The following PXDNL variants were observed in gnomAD, a reference collection of about 807,000 sequenced individuals.
The protein encoded by PXDNL is peroxidasin like.
PXDNL carries 145 observed loss-of-function variants against 150.8 expected under a neutral mutation model. That is an observed-to-expected ratio of 0.96 (90% CI 0.84 to 1.10). The LOEUF is 1.10. PXDNL is among the 50% of genes least tolerant of loss of function. PXDNL has a pLI of 0.00. For missense variants in PXDNL, 2,087 were observed against 1,873.9 expected, an observed-to-expected ratio of 1.11 and a Z score of -2.10; for synonymous variants, 757 against 725.7, an observed-to-expected ratio of 1.04 and a Z score of -0.69.
Position 51,474,389 on chromosome 8 carries a change from G to A in PXDNL, c.694+583C>T, listed in dbSNP as rs116181449. On this transcript the variant is annotated intron_variant, in intron 7 of 22. Coordinates refer to ENST00000356297, the MANE Select transcript of PXDNL (RefSeq NM_144651.5). ...TAAGCAGCCGTAATAAATTATTTAG[G>A]TAAAGCTTATTGCTTTAGTAAGGTT... is the stretch of plus-strand genomic sequence containing the variant. Among the ~76,000 whole-genome samples the A allele has an allele frequency of 2.3e-3, 345 of 152,174 alleles. 2 individuals carry two copies. Among genetic ancestry groups the A allele is most frequent in the African/African-American group, 7.6e-3 (316 of 41,530 alleles).
At position 51,506,733 on chromosome 8, in the gene PXDNL, T is replaced by C. The variant is rs117895438; in HGVS notation, c.381-6963A>G. Among the ~76,000 whole-genome samples the C allele has an allele frequency of 3.0e-3, 455 of 152,210 alleles. 4 individuals carry two copies. Among genetic ancestry groups the C allele is most frequent in the East Asian group, 0.016 (85 of 5,158 alleles). On this transcript the variant is annotated intron_variant, in intron 4 of 22. Coordinates refer to ENST00000356297, the MANE Select transcript of PXDNL (RefSeq NM_144651.5). ...AGTCTCTTCTTTCCAATCTACACTA[T>C]GTTGAATTATTTGGTGGTTCTTCCT...
At chr8:51,529,072 T>A (rs1029144197) in intron 4 of PXDNL, among the ~76,000 whole-genome samples, 2 of 152,246 alleles carry the variant, frequency 1.3e-5, no homozygotes, top group African/African-American at 4.8e-5. Context: ...ATAAACATTA[T>A]GGACGATGTC....
At chr8:51,523,068 T>G (rs995189978) in intron 4 of PXDNL, among the ~76,000 whole-genome samples, 12 of 152,186 alleles carry the variant, frequency 7.9e-5, no homozygotes, top group African/African-American at 2.7e-4. Context: ...TAGTTTAAAA[T>G]TGTATATATT....
At chr8:51,784,874 C>G (rs1382583900) in intron 1 of PXDNL, among the ~76,000 whole-genome samples, 2 of 152,190 alleles carry the variant, frequency 1.3e-5, no homozygotes, top group Non-Finnish European at 2.9e-5. Flanking sequence ...TAACCCCCCT[C>G]TTTTTAGCAG....
chr8:51,773,520 A>G (rs537350946), intron 1 of PXDNL, among the ~76,000 whole-genome samples: 77 of 152,318 alleles, frequency 5.1e-4, no homozygotes, highest in African/African-American at 1.7e-3. Flanking sequence ...AGACACCAAA[A>G]AGGAAGACCA....
intron 8 of PXDNL, among the ~76,000 whole-genome samples, chr8:51,466,560 A>G (rs535437276): frequency 6.6e-6 from 1 of 152,290 alleles, no homozygotes; most frequent in East Asian, 1.9e-4. Flanking sequence ...TAATTAAACT[A>G]AAGAGCTTCT....
At chr8:51,735,962 C>T (rs1180751194) in intron 1 of PXDNL, among the ~76,000 whole-genome samples, 1 of 152,156 alleles carries the variant, frequency 6.6e-6, no homozygotes, top group Non-Finnish European at 1.5e-5. Flanking sequence ...TTATCTTTCT[C>T]CCTACCTGCC....
chr8:51,608,694 G>C (rs932568031), intron 2 of PXDNL, among the ~76,000 whole-genome samples: 2 of 149,898 alleles, frequency 1.3e-5, no homozygotes, highest in Non-Finnish European at 3.0e-5. Flanking sequence ...AAAATTAGCC[G>C]GGCGTGGTGG....
chr8:51,625,488 T>A (rs1814344772), intron 2 of PXDNL, among the ~76,000 whole-genome samples: 1 of 152,206 alleles, frequency 6.6e-6, no homozygotes, highest in African/African-American at 2.4e-5. Context: ...AAGATTCATT[T>A]AAATTGAAAA....
intron 4 of PXDNL, among the ~76,000 whole-genome samples, chr8:51,509,679 GT>G (rs1394434702): frequency 1.3e-5 from 2 of 149,912 alleles, no homozygotes; most frequent in African/African-American, 2.5e-5. Context: ...ACATTCCCAC[GT>G]CCTGGCACTT....
intron 20 of PXDNL, among the ~76,000 whole-genome samples, chr8:51,341,611 C>T (rs1306884032): frequency 6.6e-6 from 1 of 152,158 alleles, no homozygotes; most frequent in Non-Finnish European, 1.5e-5. Flanking sequence ...AGCAACAATT[C>T]TCCATTTCGT....
At chr8:51,381,630 ATT>A (rs1383725893) in intron 17 of PXDNL, among the ~76,000 whole-genome samples, 1 of 9,728 alleles carries the variant, frequency 1.0e-4, no homozygotes, top group Non-Finnish European at 4.8e-4. Context: ...GTCTTTATTT[ATT>A]TATTTATTTA....
intron 1 of PXDNL, among the ~76,000 whole-genome samples, chr8:51,745,220 T>C (rs1014923408): frequency 6.6e-6 from 1 of 152,108 alleles, no homozygotes; most frequent in African/African-American, 2.4e-5. Flanking sequence ...TCTAGATAAT[T>C]GCTATCCAAT....
intron 5 of PXDNL, among the ~76,000 whole-genome samples, chr8:51,488,761 A>T (rs1336358339): frequency 1.3e-5 from 2 of 152,240 alleles, no homozygotes; most frequent in African/African-American, 4.8e-5. Flanking sequence ...TCAAATATCA[A>T]TAGACAATGA....
At chr8:51,570,935 T>G (rs949769795) in intron 3 of PXDNL, among the ~76,000 whole-genome samples, 1 of 151,846 alleles carries the variant, frequency 6.6e-6, no homozygotes, top group East Asian at 1.9e-4. Context: ...GTCATTTCTA[T>G]TCTCACTATA....
intron 4 of PXDNL, among the ~76,000 whole-genome samples, chr8:51,509,789 C>G (rs1362131505): frequency 6.7e-6 from 1 of 149,988 alleles, no homozygotes; most frequent in South Asian, 2.1e-4. Flanking sequence ...TATACACACA[C>G]ACGTATATGT....
At chr8:51,431,701 T>A (rs1185153213) in intron 12 of PXDNL, among the ~76,000 whole-genome samples, 1 of 152,170 alleles carries the variant, frequency 6.6e-6, no homozygotes, top group African/African-American at 2.4e-5. Flanking sequence ...CCTCTCACCT[T>A]CTCACTCAAT....
chr8:51,393,595 G>A (rs1297653701), intron 17 of PXDNL, among the ~76,000 whole-genome samples: 1 of 152,336 alleles, frequency 6.6e-6, no homozygotes, highest in Non-Finnish European at 1.5e-5. Context: ...AGATGTCCAT[G>A]GCCTAATCTT....
At chr8:51,495,048 A>G (rs1361377846) in intron 5 of PXDNL, among the ~76,000 whole-genome samples, 2 of 152,224 alleles carry the variant, frequency 1.3e-5, no homozygotes, top group African/African-American at 4.8e-5. Flanking sequence ...CTCCTCAGCA[A>G]AAGGAAAAGA....
Sources: gnomAD v4.1 joint callset for allele counts (sites outside exome capture counted in the v4.1 genomes callset) on GRCh38, gnomAD v4.1.1 for gene constraint, MANE v1.5 for transcripts, NCBI Gene and HGNC (gene_info 2026-07-23, HGNC 2026-07-21) for gene names.